DGKG: variants seen among roughly 807,000 people sequenced by gnomAD.
DGKG encodes the protein diacylglycerol kinase gamma.
In DGKG, 78 loss-of-function variants were observed where a neutral mutation model predicts 105.3. The ratio of observed to expected loss-of-function variants is 0.74; its 90% CI spans 0.62 to 0.89. The LOEUF (loss-of-function observed/expected upper bound fraction) is 0.89, where lower values mean the gene tolerates loss of function less well. Ranked by LOEUF, DGKG falls within the 40% of genes least tolerant of loss-of-function variation. The pLI, the probability that DGKG is intolerant of heterozygous loss-of-function variation, is 0.00. For missense variants in DGKG, 958 were observed against 1,020.1 expected (o/e 0.94, Z 0.83); for synonymous variants, 346 against 367.1 (o/e 0.94, Z 0.66).
intron 22 of DGKG, among the ~76,000 whole-genome samples, chr3:186,186,690 G>A (rs879632126): frequency 2.0e-5 from 3 of 152,222 alleles, no homozygotes; most frequent in Non-Finnish European, 4.4e-5. Flanking sequence ...CTGGTATGGT[G>A]TTTCTGCCAG....
At chr3:186,323,130 A>G (rs536827724) in intron 1 of DGKG, among the ~76,000 whole-genome samples, 3 of 152,324 alleles carry the variant, frequency 2.0e-5, no homozygotes, top group African/African-American at 7.2e-5. Flanking sequence ...TCTCTCGGTA[A>G]TAAAATTCTT....
chr3:186,274,733 C>T (rs1722496994), intron 10 of DGKG, among the ~76,000 whole-genome samples: 2 of 152,078 alleles, frequency 1.3e-5, no homozygotes, highest in Admixed American at 1.3e-4. Flanking sequence ...TTTTTTATGG[C>T]TGCATAGTAT....
chr3:186,358,242 G>A (rs896278318), intron 1 of DGKG, among the ~76,000 whole-genome samples: 1 of 152,256 alleles, frequency 6.6e-6, no homozygotes, highest in Non-Finnish European at 1.5e-5. Context: ...TAGTTCAGTG[G>A]GAGATATGCA....
intron 20 of DGKG, among the ~76,000 whole-genome samples, chr3:186,221,916 T>C (rs1022682718): frequency 2.6e-5 from 4 of 152,230 alleles, no homozygotes; most frequent in Admixed American, 6.5e-5. Context: ...GGCCCCCAGC[T>C]GTTGAGAGGA....
chr3:186,246,164 G>T (rs1235676120), intron 19 of DGKG, among the ~76,000 whole-genome samples: 1 of 152,176 alleles, frequency 6.6e-6, no homozygotes, highest in South Asian at 2.1e-4. Context: ...TAGAGACGGG[G>T]TTTCACCACA....
intron 19 of DGKG, among the ~76,000 whole-genome samples, chr3:186,250,610 C>T (rs975524755): frequency 4.2e-5 from 5 of 118,908 alleles, no homozygotes; most frequent in South Asian, 2.9e-4. Flanking sequence ...AGTGCAATGG[C>T]GTGATCTCGG....
At chr3:186,259,383 T>C (rs903646518) in intron 16 of DGKG, among the ~76,000 whole-genome samples, 4 of 152,222 alleles carry the variant, frequency 2.6e-5, no homozygotes, top group African/African-American at 7.2e-5. Context: ...ACGGTGACTG[T>C]GATGGCAACT....
chr3:186,239,208 A>G (rs1222960989), intron 20 of DGKG, among the ~76,000 whole-genome samples: 11 of 152,202 alleles, frequency 7.2e-5, no homozygotes, highest in Non-Finnish European at 1.6e-4. Flanking sequence ...GCTGAAAACA[A>G]AACAAAACAG....
rs554772056 is a variant in DGKG, at chr3:186,160,201, G to A, written c.2277+1402C>T. On this transcript the variant is annotated intron_variant, in intron 24 of 24. Coordinates refer to ENST00000265022, the MANE Select transcript of DGKG (RefSeq NM_001346.3). Reference sequence around the variant, plus strand: ...AGTTGTAATCTCTAAAGGGTGGTATGGAGGAAGGGTGGGTGTGGGCATAGG... The same window carrying A: ...AGTTGTAATCTCTAAAGGGTGGTATAGAGGAAGGGTGGGTGTGGGCATAGG... 1.0e-5 allele frequency: 10 copies of A among 985,430 alleles called. No homozygotes were observed. The Admixed American group carries it at 1.8e-4, about 18-fold the overall frequency. The allele number at this position is 985,430 out of a possible 1,614,324, so 61.0% of individuals were successfully genotyped here.
chr3:186,261,666 AG>A, intron 15 of DGKG, 32 bp downstream of exon 15: 1 of 1,461,066 alleles, frequency 6.8e-7, no homozygotes, highest in Non-Finnish European at 9.4e-7. Context: ...GTGTCGCCCT[AG>A]TTGCTCCACT....
At chr3:186,216,080 C>A (rs1461970827) in intron 20 of DGKG, among the ~76,000 whole-genome samples, 3 of 151,868 alleles carry the variant, frequency 2.0e-5, no homozygotes, top group Admixed American at 2.0e-4. Flanking sequence ...CTCACTGCAA[C>A]CTCCGCCTCC....
chr3:186,297,066 T>TCACACACACACACACACACACACACACA (rs1352673652), intron 5 of DGKG, among the ~76,000 whole-genome samples: 2 of 123,684 alleles, frequency 1.6e-5, no homozygotes, highest in Non-Finnish European at 3.4e-5. Context: ...TGTCTGTCTC[T>TCACACACACACACACACACACACACACA]CTCACACACA....
In DGKG at chr3:186,204,493, T is replaced by C. The variant is rs1276914530; in HGVS notation, c.1917+7302A>G. ...CTTAAAGGACAGTAATCTGACTCAT[T>C]ATTTGTGCTAAATGTTAGTTTTAGA... On this transcript the variant is annotated intron_variant, in intron 21 of 24. Transcript: ENST00000265022. 3.3e-5 allele frequency among the ~76,000 whole-genome samples: 5 copies of C among 152,320 alleles called. No individual in the cohort carries two copies. In the East Asian group the frequency reaches 9.6e-4, roughly 29 times the overall value.
At position 186,165,034 on chromosome 3, in the gene DGKG, G is replaced by A; in HGVS notation, c.2096-16C>T. 6.2e-7 allele frequency: 1 copy of A among 1,608,020 alleles called. No homozygotes were observed. Among genetic ancestry groups the A allele is most frequent in the Non-Finnish European group, 8.5e-7 (1 of 1,177,752 alleles). On this transcript the variant is annotated splice_polypyrimidine_tract_variant and intron_variant, in intron 22 of 24. Coordinates refer to ENST00000265022, the MANE Select transcript of DGKG (RefSeq NM_001346.3). Reference sequence around the variant, plus strand: ...TCACTGAGGTCTGCAGAGCGAGACAGCAAAAGTAGTGCATACACATCTCTG... The same window carrying A: ...TCACTGAGGTCTGCAGAGCGAGACAACAAAAGTAGTGCATACACATCTCTG...
At chr3:186,308,746 G>A (rs979650088) in intron 2 of DGKG, among the ~76,000 whole-genome samples, 3 of 152,186 alleles carry the variant, frequency 2.0e-5, no homozygotes, top group African/African-American at 4.8e-5. Flanking sequence ...GTCAATTTGG[G>A]CTGCTTCCAT....
chr3:186,302,826 G>A (rs892244230), intron 3 of DGKG, among the ~76,000 whole-genome samples: 1 of 152,072 alleles, frequency 6.6e-6, no homozygotes, highest in African/African-American at 2.4e-5. Flanking sequence ...AAACTGTTAT[G>A]AGAACTTAGA....
intron 23 of DGKG, among the ~76,000 whole-genome samples, chr3:186,162,140 C>T (rs1716321934): frequency 6.6e-6 from 1 of 152,236 alleles, no homozygotes; most frequent in Non-Finnish European, 1.5e-5. Context: ...AGGTGATCCG[C>T]CTGCCTTGGC....
intron 23 of DGKG, among the ~76,000 whole-genome samples, chr3:186,161,864 C>A (rs985193751): frequency 6.6e-6 from 1 of 151,840 alleles, no homozygotes; most frequent in African/African-American, 2.4e-5. Context: ...GGGGGCCAGG[C>A]CCAGTGGTCT....
At position 186,281,784 on chromosome 3, in the gene DGKG, C is replaced by T. The variant is rs544349709; in HGVS notation, c.595-1040G>A. Among the ~76,000 whole-genome samples the T allele has an allele frequency of 1.3e-4, 20 of 152,186 alleles. No individual in the cohort carries two copies. The South Asian group carries it at 2.5e-3, about 19-fold the overall frequency. The stretch of plus-strand genomic sequence containing the variant: ...TTGGGTCCAAGATTTAAAGAGAAAA[C>T]GTATTTCAGGAACCAAGAATTGGAC... On this transcript the variant is annotated intron_variant, in intron 7 of 24. Coordinates refer to ENST00000265022, the MANE Select transcript of DGKG (RefSeq NM_001346.3).
Sources: allele counts gnomAD v4.1 joint callset (sites outside exome capture counted in the v4.1 genomes callset), GRCh38; gene constraint gnomAD v4.1.1; transcripts MANE v1.5; gene names NCBI Gene and HGNC (gene_info 2026-07-23, HGNC 2026-07-21).